The following SIM1 variants were observed in gnomAD, a reference collection of about 807,000 sequenced individuals.
SIM1 encodes the protein SIM bHLH transcription factor 1.
SIM1 carries 18 observed loss-of-function variants against 78.2 expected under a neutral mutation model. That is an observed-to-expected ratio of 0.23 (90% CI 0.16 to 0.34). The LOEUF is 0.34. Ranked by LOEUF, SIM1 falls within the 10% of genes least tolerant of loss-of-function variation. The pLI is 1.00. For missense variants in SIM1, 939 were observed against 975.1 expected (o/e 0.96, Z 0.49); for synonymous variants, 417 against 385.2 (o/e 1.08, Z -0.97).
intron 9 of SIM1, among the ~76,000 whole-genome samples, chr6:100,428,214 G>T (rs1450905693): frequency 6.6e-6 from 1 of 151,998 alleles, no homozygotes; most frequent in Admixed American, 6.6e-5. Context: ...TATAATTCAG[G>T]CTCAGCATAT....
At chr6:100,461,879 G>C (rs1358731337) in intron 2 of SIM1, among the ~76,000 whole-genome samples, 3 of 91,648 alleles carry the variant, frequency 3.3e-5, no homozygotes, top group Admixed American at 2.3e-4. Flanking sequence ...GGTACTTTAG[G>C]CTTTCATTTC....
At position 100,389,820 on chromosome 6, in the gene SIM1, T is replaced by C. The variant is rs1770591295; in HGVS notation, c.*541A>G. 1 of 398,622 alleles carries C rather than the reference T, an allele frequency of 2.5e-6. No individual in the cohort carries two copies. The highest frequency in any genetic ancestry group is 4.4e-5 in the Admixed American group (1 of 22,784). 24.7% of individuals were successfully genotyped at this position (398,622 alleles called of 1,614,324 possible). A position where few individuals can be genotyped will look rare whatever the true frequency, so the allele number is the denominator to read the frequency against. On this transcript the variant is annotated 3_prime_UTR_variant, in exon 12 of 12. Coordinates refer to ENST00000369208, the MANE Select transcript of SIM1 (RefSeq NM_005068.3). ...CCTGAACCAAATGAGCTGGCTGATTTGAAACCACAAAGAAGTCAGTTTATA... is the reference window on the plus strand; with the variant it reads ...CCTGAACCAAATGAGCTGGCTGATTCGAAACCACAAAGAAGTCAGTTTATA...
chr6:100,463,464 T>A lies in SIM1; in HGVS notation c.5A>T (p.Lys2Ile), dbSNP rs546525391. Residue 2 changes from lysine (K) to isoleucine (I), a missense_variant, in exon 2 of 12, where the codon AAA becomes ATA. By Grantham distance (102) the Lys-to-Ile change is moderately radical. Coordinates refer to ENST00000369208, the MANE Select transcript of SIM1 (RefSeq NM_005068.3). M[K>I]EKSKNAARTR... ...CCGCGCAGCATTTTTGGACTTTTCT[T>A]TCATTGTGTCTTGTTCCCCCTTTCT... The A allele has an allele frequency of 6.2e-7, 1 of 1,605,186 alleles. No individual in the cohort carries two copies. The highest frequency in any genetic ancestry group is 1.3e-5 in the African/African-American group (1 of 74,832).
rs1003687054 is a variant in SIM1, at chr6:100,448,126, G to A, written c.850+20C>T. On this transcript the variant is annotated intron_variant, in intron 8 of 11. Coordinates refer to ENST00000369208, the MANE Select transcript of SIM1 (RefSeq NM_005068.3). ...GGATGCGCCAAGGTTGCTAGGGTAC[G>A]GGGCAGGGTGGCGCCTTACGCAAAT... is the stretch of plus-strand genomic sequence containing the variant. 9 of 1,595,290 alleles carry A rather than the reference G, an allele frequency of 5.6e-6. No individual in the cohort carries two copies. Among genetic ancestry groups the A allele is most frequent in the African/African-American group, 1.3e-5 (1 of 74,616 alleles).
In SIM1 at chr6:100,463,417, T is replaced by C; in HGVS notation, c.52A>G (p.Ser18Gly). The C allele has an allele frequency of 6.2e-7, 1 of 1,614,076 alleles. No homozygotes were observed. The highest frequency in any genetic ancestry group is 1.7e-5 in the Admixed American group (1 of 60,018). The change falls in exon 2 of 12, where the codon AGT becomes GGT. Residue 18 changes from serine (S) to glycine (G), a missense_variant. Transcript: ENST00000369208. ...AATTTAGCCAGTTCATAAAATTCACTGTTTTCCTTCTCCCTCCTAGTCCGC... is the reference window on the plus strand; with the variant it reads ...AATTTAGCCAGTTCATAAAATTCACCGTTTTCCTTCTCCCTCCTAGTCCGC... ...AARTRREKEN[S>G]EFYELAKLLP...
chr6:100,423,439 A>C (rs141017908), intron 9 of SIM1, among the ~76,000 whole-genome samples: 2 of 152,290 alleles, frequency 1.3e-5, no homozygotes, highest in East Asian at 3.9e-4. Flanking sequence ...CTAAGTTCCT[A>C]CCCCTCATGA....
At chr6:100,394,039 T>C in intron 10 of SIM1, 150 bp from the exon 11 acceptor site, 1 of 705,058 alleles carries the variant, frequency 1.4e-6, no homozygotes, top group Admixed American at 3.6e-5. Context: ...TGCTTTGGCA[T>C]CATGGCTGTG....
chr6:100,442,014 C>T (rs886838141), intron 9 of SIM1, among the ~76,000 whole-genome samples: 6 of 152,168 alleles, frequency 3.9e-5, no homozygotes, highest in African/African-American at 1.4e-4. Flanking sequence ...TTAATTCTGG[C>T]TTCACTACTT....
At chr6:100,457,787 G>C (rs1329584038) in intron 2 of SIM1, among the ~76,000 whole-genome samples, 1 of 152,222 alleles carries the variant, frequency 6.6e-6, no homozygotes, top group East Asian at 1.9e-4. Flanking sequence ...TAAGGAGCCT[G>C]TGTGGTTGAC....
At chr6:100,458,871 C>G (rs1433937252) in intron 2 of SIM1, among the ~76,000 whole-genome samples, 1 of 152,236 alleles carries the variant, frequency 6.6e-6, no homozygotes, top group Non-Finnish European at 1.5e-5. Flanking sequence ...AGGACCATTC[C>G]TAAATAATTG....
At chr6:100,418,647 T>C (rs1771476577) in intron 10 of SIM1, among the ~76,000 whole-genome samples, 1 of 152,158 alleles carries the variant, frequency 6.6e-6, no homozygotes, top group Non-Finnish European at 1.5e-5. Context: ...GGAGACTTTA[T>C]TTTTGTGGCT....
At chr6:100,396,139 C>T (rs1342321458) in intron 10 of SIM1, 1 of 946,170 alleles carries the variant, frequency 1.1e-6, no homozygotes, top group Non-Finnish European at 1.3e-6. Context: ...TTCACTTTCA[C>T]CAAAGCAGGG....
chr6:100,429,157 T>G (rs1045935076), intron 9 of SIM1, among the ~76,000 whole-genome samples: 7 of 152,144 alleles, frequency 4.6e-5, no homozygotes, highest in African/African-American at 1.4e-4. Flanking sequence ...TCACTTGAGG[T>G]CAGGAGTTTG....
intron 10 of SIM1, among the ~76,000 whole-genome samples, chr6:100,404,885 C>T (rs776438695): frequency 1.3e-5 from 2 of 152,104 alleles, no homozygotes; most frequent in African/African-American, 2.4e-5. Context: ...CCTGTGATAA[C>T]GTAGCTGAAC....
intron 2 of SIM1, among the ~76,000 whole-genome samples, chr6:100,456,125 C>G (rs752706590): frequency 1.3e-5 from 2 of 151,574 alleles, no homozygotes; most frequent in East Asian, 1.9e-4. Context: ...AGAAATCTTA[C>G]GATTGTGTCT....
Position 100,389,452 on chromosome 6 carries a change from A to G in SIM1, c.*909T>C, listed in dbSNP as rs1770581107. On this transcript the variant is annotated 3_prime_UTR_variant, in exon 12 of 12. Coordinates refer to ENST00000369208, the MANE Select transcript of SIM1 (RefSeq NM_005068.3). ...CTTTTTTCTGGGTGAATTGGTTTGA[A>G]TTTTTTATTTAGTTGGTTTTACAAG... 2.5e-6 allele frequency: 1 copy of G among 395,756 alleles called. No individual in the cohort carries two copies. The highest frequency in any genetic ancestry group is 4.5e-6 in the Non-Finnish European group (1 of 224,640). The allele number at this position is 395,756 out of a possible 1,614,324, so 24.5% of individuals were successfully genotyped here. A position where few individuals can be genotyped will look rare whatever the true frequency, so the allele number is the denominator to read the frequency against.
At chr6:100,463,261 C>A in intron 2 of SIM1, 33 bp downstream of exon 2, 5 of 1,577,696 alleles carry the variant, frequency 3.2e-6, no homozygotes, top group Non-Finnish European at 4.3e-6. Flanking sequence ...GCCCCTTCTG[C>A]CTTTGAAATT....
chr6:100,390,874 A>G lies in SIM1; in HGVS notation c.1788T>C (p.Asn596=). ...KAPSDQLASI[N]GAGKKHSLCF... Reference sequence around the variant, plus strand: ...ACAGGGAGTGTTTTTTCCCAGCCCCATTAATGGAAGCCAGTTGGTCTGAGG... The same window carrying G: ...ACAGGGAGTGTTTTTTCCCAGCCCCGTTAATGGAAGCCAGTTGGTCTGAGG... Residue 596 remains asparagine (N), a synonymous_variant, in exon 12 of 12, where the codon AAT becomes AAC. Transcript: ENST00000369208. 6.2e-7 allele frequency: 1 copy of G among 1,614,126 alleles called. No homozygotes were observed. The highest frequency in any genetic ancestry group is 8.5e-7 in the Non-Finnish European group (1 of 1,180,008).
intron 11 of SIM1, among the ~76,000 whole-genome samples, chr6:100,392,957 G>A (rs1177007899): frequency 6.6e-6 from 1 of 152,136 alleles, no homozygotes. Flanking sequence ...CTTCACTCAC[G>A]GGGTCATCAT....
Sources: allele counts gnomAD v4.1 joint callset (sites outside exome capture counted in the v4.1 genomes callset), GRCh38; gene constraint gnomAD v4.1.1; transcripts MANE v1.5; gene names NCBI Gene and HGNC (gene_info 2026-07-23, HGNC 2026-07-21).